MBTPS1: variants seen among roughly 807,000 people sequenced by gnomAD.
The protein encoded by MBTPS1 is membrane-bound transcription factor site-1 protease.
In MBTPS1, 94 loss-of-function variants were observed where a neutral mutation model predicts 127.8. The ratio of observed to expected loss-of-function variants is 0.74; its 90% confidence interval spans 0.62 to 0.87. The LOEUF is 0.87. Ranked by LOEUF, MBTPS1 falls within the 40% of genes least tolerant of loss-of-function variation. The pLI is 0.00. For synonymous variants in MBTPS1, 632 were observed against 509.4 expected (o/e 1.24, Z -3.24); for missense variants, 1,636 against 1,353.2 (o/e 1.21, Z -3.28).
Position 84,068,395 on chromosome 16 carries a change from C to G in MBTPS1, c.2015G>C (p.Gly672Ala). The G allele has an allele frequency of 6.2e-7, 1 of 1,614,240 alleles. No homozygotes were observed. The highest frequency in any genetic ancestry group is 1.1e-5 in the South Asian group (1 of 91,092). ...RDMYQHLRSM[G>A]YFVEVLGAPF... ...GGCCCCGAGGACCTCTACAAAGTAG[C>G]CCATGCTTCTCAGATGCTGGTACAT... The change falls in exon 15 of 23, where the codon GGC becomes GCC. Residue 672 changes from glycine to alanine, a missense_variant. By Grantham distance (60) the Gly-to-Ala change is moderately conservative (BLOSUM62 0). Coordinates refer to ENST00000343411, the MANE Select transcript of MBTPS1 (RefSeq NM_003791.4).
chr16:84,056,445 G>A lies in MBTPS1; in HGVS notation c.2832-310C>T, dbSNP rs116903583. The A allele has an allele frequency of 1.2e-3, 285 of 236,464 alleles. 4 individuals carry two copies. The East Asian group carries it at 0.022, about 18-fold the overall frequency. 14.6% of individuals were successfully genotyped at this position (236,464 alleles called of 1,614,324 possible). ...AGCGCCTCGGGAGGACACTCCAAGC[G>A]AGGCCCTGGAAGGAGCCTGTCAGGG... On this transcript the variant is annotated intron_variant, in intron 21 of 22. Transcript: ENST00000343411.
chr16:84,065,193 C>T (rs1038045236), intron 18 of MBTPS1, among the ~76,000 whole-genome samples: 2 of 150,166 alleles, frequency 1.3e-5, no homozygotes, highest in African/African-American at 4.9e-5. Context: ...TCTTGGGTAA[C>T]TGCAACCTCT....
chr16:84,067,262 A>G (rs569530116), intron 16 of MBTPS1, among the ~76,000 whole-genome samples: 1 of 152,312 alleles, frequency 6.6e-6, no homozygotes, highest in South Asian at 2.1e-4. Context: ...AACCCTCTAT[A>G]TTATTAACAG....
chr16:84,079,918 A>G (rs1270873151), intron 11 of MBTPS1, among the ~76,000 whole-genome samples: 2 of 152,208 alleles, frequency 1.3e-5, no homozygotes, highest in Non-Finnish European at 2.9e-5. Flanking sequence ...TGAGCACAGC[A>G]GCTTGGAGCA....
At chr16:84,075,342 C>T (rs930532144) in intron 11 of MBTPS1, 2 of 152,268 alleles carry the variant, frequency 1.3e-5, no homozygotes, top group Non-Finnish European at 2.9e-5. Flanking sequence ...GGGACCCTGA[C>T]ATAATTTGTG....
In MBTPS1 at chr16:84,060,538, G is replaced by A. The variant is rs554243890; in HGVS notation, c.2704+144C>T. The stretch of plus-strand genomic sequence containing the variant: ...CGGCAGGTTAGAGCCGCTGAGTGCT[G>A]CTCTACCCGCAGCCATTACGAAAAC... On this transcript the variant is annotated intron_variant, in intron 20 of 22. Transcript: ENST00000343411. 1.5e-5 allele frequency: 13 copies of A among 892,040 alleles called. No homozygotes were observed. In the East Asian group the frequency reaches 2.9e-4, roughly 20 times the overall value. 55.3% of individuals were successfully genotyped at this position (892,040 alleles called of 1,614,324 possible).
In MBTPS1 at chr16:84,101,769, G is replaced by A; in HGVS notation, c.15C>T (p.Asn5=). Residue 5 remains asparagine, a synonymous_variant, in exon 2 of 23, where the codon AAC becomes AAT. Coordinates refer to ENST00000343411, the MANE Select transcript of MBTPS1 (RefSeq NM_003791.4). ...AAACCACGAGCAGAAGCAGCCAGAT[G>A]TTGACAAGCTTCATGGTCACAAGCG... The part of the protein sequence containing the change: MKLV[N]IWLLLLVVLL... 1.9e-6 allele frequency: 3 copies of A among 1,613,420 alleles called. No individual in the cohort carries two copies. Among genetic ancestry groups the A allele is most frequent in the Non-Finnish European group, 2.5e-6 (3 of 1,179,662 alleles).
At chr16:84,093,341 G>T in intron 5 of MBTPS1, 44 bp from the exon 6 acceptor site, 4 of 1,286,292 alleles carry the variant, frequency 3.1e-6, no homozygotes, top group Non-Finnish European at 4.5e-6. Flanking sequence ...ACACTGAATA[G>T]CAAGTGCCAG....
At position 84,093,747 on chromosome 16, in the gene MBTPS1, T is replaced by C. The variant is rs1177104803; in HGVS notation, c.700A>G (p.Arg234Gly). Residue 234 changes from arginine (R) to glycine (G), a missense_variant, in exon 5 of 23, where the codon AGA becomes GGA. Arg to Gly is a moderately radical substitution (Grantham distance 125). Transcript: ENST00000343411. ...GTTCGCTCGTTGGTCCAGTTGGTTC[T>C]CTCCTTCACATTTTTGAAGTGGGGA... ...KHPHFKNVKERTNWTNERTLD... is the reference protein window; with the variant it reads ...KHPHFKNVKEGTNWTNERTLD... The C allele has an allele frequency of 6.2e-7, 1 of 1,614,048 alleles. No individual in the cohort carries two copies. Among genetic ancestry groups the C allele is most frequent in the African/African-American group, 1.3e-5 (1 of 74,916 alleles).
intron 13 of MBTPS1, among the ~76,000 whole-genome samples, chr16:84,070,241 C>T (rs1328473955): frequency 1.3e-5 from 2 of 152,200 alleles, no homozygotes; most frequent in African/African-American, 4.8e-5. Context: ...AAATTTAAGG[C>T]ATATTCTATC....
At chr16:84,055,845 G>C in intron 22 of MBTPS1, among the ~76,000 whole-genome samples, 160 bp downstream of exon 22, 1 of 152,242 alleles carries the variant, frequency 6.6e-6, no homozygotes, top group Non-Finnish European at 1.5e-5. Context: ...CCTTGCTCAT[G>C]CTGGTTTGTG....
intron 1 of MBTPS1, among the ~76,000 whole-genome samples, chr16:84,107,212 C>T (rs2086335593): frequency 6.6e-6 from 1 of 152,156 alleles, no homozygotes; most frequent in Non-Finnish European, 1.5e-5. Context: ...AGACAGAGAC[C>T]ACTAGCTTAG....
At chr16:84,100,031 C>T (rs900071826) in intron 2 of MBTPS1, among the ~76,000 whole-genome samples, 3 of 152,212 alleles carry the variant, frequency 2.0e-5, no homozygotes, top group Non-Finnish European at 2.9e-5. Context: ...CAGTTCTTCA[C>T]ATCTGGTCAC....
chr16:84,101,222 C>A (rs563227164), intron 2 of MBTPS1, among the ~76,000 whole-genome samples: 1 of 151,436 alleles, frequency 6.6e-6, no homozygotes, highest in South Asian at 2.1e-4. Flanking sequence ...ACTGCTTGAA[C>A]CTGGGAGGTG....
chr16:84,056,017 C>A lies in MBTPS1; in HGVS notation c.2950G>T (p.Asp984Tyr). The A allele has an allele frequency of 6.2e-7, 1 of 1,612,708 alleles. No homozygotes were observed. The highest frequency in any genetic ancestry group is 1.1e-5 in the South Asian group (1 of 90,972). ...GCCGAGAACTCACCTCCAGGAATGT[C>A]CCAGGCGCCGCTCTCTCCAGGGGAC... ...PLSPGESGAWDIPGGIMPGRY... is the reference protein window; with the variant it reads ...PLSPGESGAWYIPGGIMPGRY... Residue 984 changes from aspartate to tyrosine, a missense_variant, in exon 22 of 23, where the codon GAC becomes TAC. Coordinates refer to ENST00000343411, the MANE Select transcript of MBTPS1 (RefSeq NM_003791.4).
chr16:84,062,004 C>T (rs1017335304), intron 19 of MBTPS1, among the ~76,000 whole-genome samples: 1 of 152,180 alleles, frequency 6.6e-6, no homozygotes, highest in Non-Finnish European at 1.5e-5. Flanking sequence ...CCCTCTCAGG[C>T]ATTTACAATT....
intron 1 of MBTPS1, among the ~76,000 whole-genome samples, chr16:84,105,921 TTCCAG>T (rs780646573): frequency 6.6e-6 from 1 of 152,152 alleles, no homozygotes; most frequent in Non-Finnish European, 1.5e-5. Flanking sequence ...GGAGCTTACC[TTCCAG>T]TGCAGGGAGA....
chr16:84,062,993 A>G (rs1444487134), intron 19 of MBTPS1, among the ~76,000 whole-genome samples: 2 of 152,240 alleles, frequency 1.3e-5, no homozygotes, highest in African/African-American at 2.4e-5. Context: ...GGCAGGCCCC[A>G]AGGAAGTCAG....
chr16:84,079,576 G>A (rs752517919), intron 11 of MBTPS1, among the ~76,000 whole-genome samples: 3 of 152,222 alleles, frequency 2.0e-5, no homozygotes, highest in Non-Finnish European at 2.9e-5. Context: ...ACATGGGCTA[G>A]CAGTTCCAAA....
Sources: allele counts gnomAD v4.1 joint callset (sites outside exome capture counted in the v4.1 genomes callset), GRCh38; gene constraint gnomAD v4.1.1; transcripts MANE v1.5; gene names NCBI Gene and HGNC (gene_info 2026-07-23, HGNC 2026-07-21).